KCNH8: variants seen among roughly 807,000 people sequenced by gnomAD.
KCNH8 encodes voltage-gated delayed rectifier potassium channel KCNH8.
Under a neutral mutation model 103.6 loss-of-function variants are expected in KCNH8, and 70 were observed. The ratio of observed to expected loss-of-function variants is 0.68; its 90% CI spans 0.56 to 0.82. The LOEUF (loss-of-function observed/expected upper bound fraction) is 0.82, where lower values mean the gene tolerates loss of function less well. Ranked by LOEUF, KCNH8 falls within the 40% of genes least tolerant of loss-of-function variation. The probability of loss-of-function intolerance (pLI) is 0.00; values close to 1 mark genes in which losing one functional copy is unlikely to be tolerated. For synonymous variants in KCNH8, 498 were observed against 489.4 expected (o/e 1.02, Z -0.23); for missense variants, 1,217 against 1,329.9 (o/e 0.92, Z 1.32).
chr3:19,415,722 T>C (rs2066854289), intron 7 of KCNH8, among the ~76,000 whole-genome samples: 1 of 152,096 alleles, frequency 6.6e-6, no homozygotes, highest in Non-Finnish European at 1.5e-5. Flanking sequence ...TTGCCATTTC[T>C]TTAATGCAAT....
intron 2 of KCNH8, among the ~76,000 whole-genome samples, chr3:19,272,245 C>T (rs1291307612): frequency 6.6e-6 from 1 of 151,928 alleles, no homozygotes; most frequent in Admixed American, 6.6e-5. Context: ...AGGCTGCATG[C>T]AGAAAGGAGG....
At chr3:19,323,069 TG>T (rs1408769475) in intron 3 of KCNH8, among the ~76,000 whole-genome samples, 1 of 152,182 alleles carries the variant, frequency 6.6e-6, no homozygotes, top group Non-Finnish European at 1.5e-5. Context: ...GCTATTTCAT[TG>T]GAGATTTTTC....
intron 3 of KCNH8, among the ~76,000 whole-genome samples, chr3:19,295,872 C>G (rs749004958): frequency 3.3e-5 from 5 of 152,122 alleles, no homozygotes; most frequent in Non-Finnish European, 7.3e-5. Context: ...CTGGGAAACA[C>G]TAAGTACCCT....
Position 19,450,276 on chromosome 3 carries a change from T to C in KCNH8, c.1546T>C (p.Ser516Pro). 6.2e-7 allele frequency: 1 copy of C among 1,613,488 alleles called. No individual in the cohort carries two copies. The highest frequency in any genetic ancestry group is 8.5e-7 in the Non-Finnish European group (1 of 1,179,560). The change falls in exon 9 of 16, where the codon TCA becomes CCA. Residue 516 changes from serine to proline, a missense_variant. Around this residue, in one of 3 missense-constraint regions of KCNH8, gnomAD observed 415 missense variants for 577.4 expected, o/e 0.72. Transcript: ENST00000328405. ...GCTCGAATATTTTCAAACAACCTGG[T>C]CAGTCAACAATGGAATAGATTCAAA... The part of the protein sequence containing the change: ...RMLEYFQTTW[S>P]VNNGIDSNEL...
At chr3:19,521,115 C>G (rs960527913) in intron 15 of KCNH8, among the ~76,000 whole-genome samples, 13 of 151,866 alleles carry the variant, frequency 8.6e-5, no homozygotes, top group Non-Finnish European at 1.5e-4. Flanking sequence ...CTGTGTAAGT[C>G]AAATGCTCCA....
At chr3:19,413,049 G>A (rs1005644384) in intron 7 of KCNH8, among the ~76,000 whole-genome samples, 3 of 151,928 alleles carry the variant, frequency 2.0e-5, no homozygotes, top group Admixed American at 6.6e-5. Context: ...ATTTCTATCC[G>A]AAATACATAT....
intron 7 of KCNH8, among the ~76,000 whole-genome samples, chr3:19,419,026 A>G (rs1388243116): frequency 6.6e-6 from 1 of 152,174 alleles, no homozygotes; most frequent in Non-Finnish European, 1.5e-5. Context: ...ACTCATAGAT[A>G]CATGATAGGA....
chr3:19,384,747 C>T (rs1398015688), intron 5 of KCNH8, among the ~76,000 whole-genome samples: 1 of 152,178 alleles, frequency 6.6e-6, no homozygotes, highest in Non-Finnish European at 1.5e-5. Flanking sequence ...CTGTCTCCCA[C>T]ACTGGCCAGA....
At chr3:19,389,759 C>T (rs544179813) in intron 5 of KCNH8, among the ~76,000 whole-genome samples, 1 of 152,134 alleles carries the variant, frequency 6.6e-6, no homozygotes, top group African/African-American at 2.4e-5. Context: ...TCTGGAGTAA[C>T]TGGGACTACA....
chr3:19,324,435 A>C (rs1340081495), intron 3 of KCNH8, among the ~76,000 whole-genome samples: 1 of 152,168 alleles, frequency 6.6e-6, no homozygotes, highest in African/African-American at 2.4e-5. Context: ...ACTCACTATC[A>C]CAGGAACAGC....
chr3:19,466,137 G>A (rs1466788523), intron 11 of KCNH8, among the ~76,000 whole-genome samples: 1 of 151,888 alleles, frequency 6.6e-6, no homozygotes, highest in African/African-American at 2.4e-5. Flanking sequence ...TATTGCTTAG[G>A]CTGGTCTCAA....
At chr3:19,338,517 T>A (rs894739245) in intron 3 of KCNH8, among the ~76,000 whole-genome samples, 85 of 152,088 alleles carry the variant, frequency 5.6e-4, no homozygotes, top group Non-Finnish European at 9.9e-4. Context: ...AAAATATATA[T>A]GAAGTATAAA....
chr3:19,279,581 A>C (rs528050768), intron 2 of KCNH8, among the ~76,000 whole-genome samples: 1 of 151,708 alleles, frequency 6.6e-6, no homozygotes, highest in East Asian at 1.9e-4. Context: ...AAAAAAAAAA[A>C]AAATAAGGAG....
chr3:19,188,844 A>G (rs993177994), intron 1 of KCNH8, among the ~76,000 whole-genome samples: 1 of 151,920 alleles, frequency 6.6e-6, no homozygotes, highest in Non-Finnish European at 1.5e-5. Flanking sequence ...GGGTCTTGCT[A>G]TGTTGCCCAG....
At chr3:19,255,565 G>A (rs186294358) in intron 2 of KCNH8, among the ~76,000 whole-genome samples, 19 of 152,088 alleles carry the variant, frequency 1.2e-4, no homozygotes, top group Admixed American at 3.3e-4. Flanking sequence ...GAAATGCTTC[G>A]TTGATAGGTG....
intron 1 of KCNH8, among the ~76,000 whole-genome samples, chr3:19,175,296 C>A (rs375728719): frequency 0.062 from 9,314 of 150,640 alleles, 1,020 homozygotes; most frequent in African/African-American, 0.21. Flanking sequence ...ATCTCGGCTC[C>A]CTGCAAGCTC....
intron 3 of KCNH8, among the ~76,000 whole-genome samples, chr3:19,313,775 A>G (rs1056256946): frequency 4.0e-5 from 6 of 151,888 alleles, no homozygotes; most frequent in African/African-American, 1.4e-4. Flanking sequence ...AAGATTATAG[A>G]TGATCATACA....
intron 2 of KCNH8, among the ~76,000 whole-genome samples, chr3:19,275,880 T>G (rs1479109626): frequency 6.6e-6 from 1 of 152,040 alleles, no homozygotes; most frequent in Non-Finnish European, 1.5e-5. Context: ...CCGTCAGGTG[T>G]TTTTAATCGG....
At chr3:19,451,067 T>G in intron 9 of KCNH8, 88 bp from the exon 10 acceptor site, 1 of 1,267,758 alleles carries the variant, frequency 7.9e-7, no homozygotes, top group Non-Finnish European at 1.1e-6. Context: ...CAGGAGACAG[T>G]AGGAAGAGCA....
Sources: gnomAD v4.1 joint callset for allele counts (sites outside exome capture counted in the v4.1 genomes callset) on GRCh38, gnomAD v4.1.1 for gene constraint, gnomAD v4.1.1 regional missense constraint, MANE v1.5 for transcripts, NCBI Gene and HGNC (gene_info 2026-07-23, HGNC 2026-07-21) for gene names.